The following SPATS1 variants were observed in gnomAD, a reference collection of about 807,000 sequenced individuals.
SPATS1 encodes spermatogenesis-associated serine-rich protein 1.
SPATS1 carries 23 observed loss-of-function variants against 33.6 expected under a neutral mutation model. The observed-to-expected ratio is 0.68, with a 90% CI of 0.49 to 0.97. The LOEUF (loss-of-function observed/expected upper bound fraction) is 0.97. SPATS1 is among the 50% of genes least tolerant of loss of function. The pLI is 0.00. For missense variants in SPATS1, 327 were observed against 361.0 expected, an observed-to-expected ratio of 0.91 and a Z score of 0.76; for synonymous variants, 131 against 125.6, an observed-to-expected ratio of 1.04 and a Z score of -0.29.
At chr6:44,372,297 T>C (rs1789675459) in intron 7 of SPATS1, among the ~76,000 whole-genome samples, 1 of 151,830 alleles carries the variant, frequency 6.6e-6, no homozygotes. Flanking sequence ...CTATTATTTG[T>C]GTCATTTCTG....
chr6:44,363,635 TTTC>T (rs1789057801), intron 5 of SPATS1, among the ~76,000 whole-genome samples: 5 of 78,552 alleles, frequency 6.4e-5, no homozygotes, highest in African/African-American at 1.1e-4. Context: ...CTTCTTTTTC[TTTC>T]TTTCCTTCCT....
intron 7 of SPATS1, among the ~76,000 whole-genome samples, chr6:44,374,087 T>C (rs1045763416): frequency 4.6e-5 from 7 of 152,224 alleles, no homozygotes; most frequent in African/African-American, 1.7e-4. Flanking sequence ...AGATGAGGCA[T>C]TGCAGTTAAT....
At chr6:44,342,880 C>G (rs1787645882) in intron 1 of SPATS1, 112 bp downstream of exon 1, 3 of 1,286,450 alleles carry the variant, frequency 2.3e-6, no homozygotes, top group Non-Finnish European at 2.1e-6. Context: ...TGCAGCGAGC[C>G]TGGTTCGGGC....
chr6:44,353,935 G>T (rs1788396681), intron 3 of SPATS1, among the ~76,000 whole-genome samples: 1 of 151,612 alleles, frequency 6.6e-6, no homozygotes, highest in Admixed American at 6.6e-5. Flanking sequence ...TATTCGGGAG[G>T]CTGAGGCAGG....
intron 3 of SPATS1, among the ~76,000 whole-genome samples, chr6:44,357,734 C>T (rs781367658): frequency 5.9e-5 from 9 of 152,078 alleles, no homozygotes; most frequent in Admixed American, 1.3e-4. Flanking sequence ...TATGTTTCCC[C>T]GGCTGGTCTC....
intron 3 of SPATS1, 113 bp from the exon 4 acceptor site, chr6:44,360,333 A>G: frequency 2.3e-6 from 3 of 1,314,020 alleles, no homozygotes; most frequent in Non-Finnish European, 2.1e-6. Flanking sequence ...GGACTTTTAT[A>G]GAGGAGTAGT....
rs568555587 is a variant in SPATS1, at chr6:44,351,554, A to G, written c.140-1172A>G. ...CTATTGAGCTTTAGTGCTCTACGAAATTATGCATAAAGAAATATGCATAAT... is the reference window on the plus strand; with the variant it reads ...CTATTGAGCTTTAGTGCTCTACGAAGTTATGCATAAAGAAATATGCATAAT... On this transcript the variant is annotated intron_variant, in intron 2 of 8. Transcript: ENST00000674044. Among the ~76,000 whole-genome samples, 11 of 152,358 alleles carry G rather than the reference A, an allele frequency of 7.2e-5. No homozygotes were observed. The South Asian group carries it at 2.3e-3, about 32-fold the overall frequency.
At chr6:44,363,934 T>C (rs1789090204) in intron 5 of SPATS1, among the ~76,000 whole-genome samples, 1 of 152,214 alleles carries the variant, frequency 6.6e-6, no homozygotes, top group South Asian at 2.1e-4. Context: ...TCCCCGAATA[T>C]TCCATCTTTC....
At chr6:44,352,079 C>T (rs1033671557) in intron 2 of SPATS1, among the ~76,000 whole-genome samples, 1 of 152,122 alleles carries the variant, frequency 6.6e-6, no homozygotes, top group Admixed American at 6.5e-5. Flanking sequence ...GGCTTAGAAT[C>T]TCAGGCTTTA....
chr6:44,372,474 TG>T (rs1210561617), intron 7 of SPATS1, among the ~76,000 whole-genome samples: 2 of 151,894 alleles, frequency 1.3e-5, no homozygotes, highest in African/African-American at 4.8e-5. Context: ...ATTTTATTTA[TG>T]TTTTTTTAGA....
intron 4 of SPATS1, among the ~76,000 whole-genome samples, chr6:44,361,117 A>G (rs1461751145): frequency 6.6e-6 from 1 of 152,176 alleles, no homozygotes; most frequent in Non-Finnish European, 1.5e-5. Context: ...AAGTAGAGCA[A>G]TGGGATCAGA....
At chr6:44,352,961 G>T in intron 3 of SPATS1, 88 bp downstream of exon 3, 4 of 1,390,790 alleles carry the variant, frequency 2.9e-6, no homozygotes, top group Non-Finnish European at 4.0e-6. Flanking sequence ...GGTATGCTTG[G>T]CAAGAGCATG....
At chr6:44,372,642 A>G (rs566906067) in intron 7 of SPATS1, among the ~76,000 whole-genome samples, 2 of 152,036 alleles carry the variant, frequency 1.3e-5, no homozygotes, top group Middle Eastern at 3.4e-3. Context: ...TTGTATTTTT[A>G]GTAGAGACAG....
In SPATS1 at chr6:44,359,489, A is replaced by ATT. The variant is rs574646459; in HGVS notation, c.288-956_288-955insTT. Reference sequence around the variant, plus strand: ...TTTCATATAAGTGGAATCACATAATATGTCCTTTTGTGTCTGGCTTATTTT... The same window carrying ATT: ...TTTCATATAAGTGGAATCACATAATATTTGTCCTTTTGTGTCTGGCTTATTTT... On this transcript the variant is annotated intron_variant, in intron 3 of 8. Transcript: ENST00000674044. Among the ~76,000 whole-genome samples, 1,261 of 152,124 alleles carry ATT rather than the reference A, an allele frequency of 8.3e-3. 7 individuals carry two copies. Among genetic ancestry groups the ATT allele is most frequent in the South Asian group, 0.017 (82 of 4,814 alleles).
chr6:44,377,160 G>T lies in SPATS1; in HGVS notation c.*97G>T. 1 of 1,455,556 alleles carries T rather than the reference G, an allele frequency of 6.9e-7. No homozygotes were observed. The highest frequency in any genetic ancestry group is 1.1e-5 in the South Asian group (1 of 87,250). 90.2% of individuals were successfully genotyped at this position (1,455,556 alleles called of 1,614,324 possible). On this transcript the variant is annotated 3_prime_UTR_variant, in exon 9 of 9. Transcript: ENST00000674044. ...TGTGACTGTTCTAAATCCAGTGTTT[G>T]ACCCTTATGAGGAAGTGTTGTGCTT...
intron 5 of SPATS1, among the ~76,000 whole-genome samples, chr6:44,366,816 G>A (rs756824040): frequency 5.3e-5 from 8 of 152,146 alleles, no homozygotes; most frequent in African/African-American, 7.2e-5. Context: ...TTGGGTGCTT[G>A]TTATATGCTC....
chr6:44,360,179 T>TCTGGTCTCAAACTC (rs1788823538), intron 3 of SPATS1, among the ~76,000 whole-genome samples: 1 of 151,908 alleles, frequency 6.6e-6, no homozygotes, highest in Non-Finnish European at 1.5e-5. Context: ...TGCTGTCCAG[T>TCTGGTCTCAAACTC]CTGGTCTCAA....
chr6:44,353,614 T>C (rs1474907232), intron 3 of SPATS1, among the ~76,000 whole-genome samples: 1 of 152,254 alleles, frequency 6.6e-6, no homozygotes, highest in East Asian at 1.9e-4. Flanking sequence ...CTTTGTGTTT[T>C]ATGTACTTTC....
intron 1 of SPATS1, 32 bp from the exon 2 acceptor site, chr6:44,343,064 G>C: frequency 6.2e-7 from 1 of 1,612,478 alleles, no homozygotes; most frequent in Non-Finnish European, 8.5e-7. Context: ...TCTCTGGGTT[G>C]CTTCTAATAT....
Sources: allele counts gnomAD v4.1 joint callset (sites outside exome capture counted in the v4.1 genomes callset), GRCh38; gene constraint gnomAD v4.1.1; transcripts MANE v1.5; gene names NCBI Gene and HGNC (gene_info 2026-07-23, HGNC 2026-07-21).